The following SPMIP3 variants were observed in gnomAD, a reference collection of about 807,000 sequenced individuals.
SPMIP3 encodes protein SPMIP3.
chr1:244,356,297 T>C, the SPMIP3 span, among the ~76,000 whole-genome samples: 2 of 152,194 alleles, frequency 1.3e-5, no homozygotes, highest in South Asian at 4.1e-4. Flanking sequence ...TTGAGAAGGT[T>C]CCCCATAGTT....
At chr1:244,381,508 C>T in the SPMIP3 span, among the ~76,000 whole-genome samples, 1 of 152,170 alleles carries the variant, frequency 6.6e-6, no homozygotes, top group Non-Finnish European at 1.5e-5. Context: ...ATGAAATACT[C>T]ACCACCTGCT....
chr1:244,375,235 A>G, the SPMIP3 span: 1 of 591,984 alleles, frequency 1.7e-6, no homozygotes, highest in Non-Finnish European at 2.9e-6. Flanking sequence ...AGGAAATTCC[A>G]TGGGTTTTAG....
At chr1:244,363,557 T>C in the SPMIP3 span, among the ~76,000 whole-genome samples, 1 of 152,222 alleles carries the variant, frequency 6.6e-6, no homozygotes, top group Admixed American at 6.5e-5. Flanking sequence ...GAACAGGCTC[T>C]GGGTGGGGCC....
chr1:244,369,448 CG>C, the SPMIP3 span, among the ~76,000 whole-genome samples: 1 of 152,210 alleles, frequency 6.6e-6, no homozygotes, highest in Non-Finnish European at 1.5e-5. Context: ...ATTGGAGCAG[CG>C]TCATTTCTCT....
chr1:244,365,859 A>C, the SPMIP3 span, among the ~76,000 whole-genome samples: 12 of 152,178 alleles, frequency 7.9e-5, no homozygotes, highest in Non-Finnish European at 1.2e-4. Flanking sequence ...GCTTGTGGGA[A>C]AACAAACTGC....
chr1:244,372,264 G>A, the SPMIP3 span, among the ~76,000 whole-genome samples: 6 of 152,138 alleles, frequency 3.9e-5, no homozygotes, highest in East Asian at 1.2e-3. Flanking sequence ...GAGGACAAGC[G>A]CTGCTTCTTA....
chr1:244,355,886 G>A, the SPMIP3 span, among the ~76,000 whole-genome samples: 4 of 152,140 alleles, frequency 2.6e-5, no homozygotes, highest in African/African-American at 9.7e-5. Context: ...TCCTGTATAT[G>A]TGTTGTTCGA....
At chr1:244,374,863 G>T in the SPMIP3 span, among the ~76,000 whole-genome samples, 19 of 152,022 alleles carry the variant, frequency 1.2e-4, no homozygotes, top group Non-Finnish European at 2.5e-4. Context: ...CTCCCAAGGT[G>T]CTGGGATTAC....
the SPMIP3 span, chr1:244,364,784 C>T: frequency 6.7e-5 from 108 of 1,612,578 alleles, no homozygotes; most frequent in Admixed American, 1.5e-4. Flanking sequence ...GCACAGCCTC[C>T]GGGACTGAAG....
the SPMIP3 span, among the ~76,000 whole-genome samples, chr1:244,374,323 A>C: frequency 6.6e-6 from 1 of 151,972 alleles, no homozygotes; most frequent in Non-Finnish European, 1.5e-5. Flanking sequence ...AAAACTCCTC[A>C]AAATCCAGCC....
chr1:244,354,355 T>TTTTTGA, the SPMIP3 span, among the ~76,000 whole-genome samples: 6 of 1,128 alleles, frequency 5.3e-3, no homozygotes, highest in African/African-American at 7.9e-3. Context: ...CAAACTTTGA[T>TTTTTGA]TTTTTTTTTT....
chr1:244,373,913 A>G, the SPMIP3 span, among the ~76,000 whole-genome samples: 2 of 152,060 alleles, frequency 1.3e-5, no homozygotes, highest in African/African-American at 2.4e-5. Context: ...CAGGAGTTTG[A>G]GACCATCCTA....
chr1:244,379,806 CCT>C, the SPMIP3 span, among the ~76,000 whole-genome samples: 6 of 151,894 alleles, frequency 4.0e-5, no homozygotes, highest in African/African-American at 1.5e-4. Flanking sequence ...ATGGAGAAAC[CCT>C]GTCTCTACTA....
At chr1:244,360,001 C>T in the SPMIP3 span, among the ~76,000 whole-genome samples, 6 of 151,698 alleles carry the variant, frequency 4.0e-5, no homozygotes, top group African/African-American at 9.7e-5. Flanking sequence ...CCCAGCTACT[C>T]GGGAGGCTGA....
At chr1:244,372,823 T>C in the SPMIP3 span, among the ~76,000 whole-genome samples, 1 of 152,182 alleles carries the variant, frequency 6.6e-6, no homozygotes, top group African/African-American at 2.4e-5. Context: ...CATCACAAAC[T>C]CAATAAAGTC....
chr1:244,369,839 TGGG>T, the SPMIP3 span, among the ~76,000 whole-genome samples: 3,176 of 152,228 alleles, frequency 0.021, 112 homozygotes, highest in African/African-American at 0.071. Context: ...ATTATGTAGA[TGGG>T]TTCTCTGCCT....
the SPMIP3 span, among the ~76,000 whole-genome samples, chr1:244,359,873 G>A: frequency 6.6e-6 from 1 of 152,140 alleles, no homozygotes; most frequent in African/African-American, 2.4e-5. Context: ...CACTTTGGGA[G>A]GCCGAGGCTG....
the SPMIP3 span, among the ~76,000 whole-genome samples, chr1:244,373,332 T>TTGTATATATATA: frequency 4.0e-4 from 34 of 85,198 alleles, 2 homozygotes; most frequent in African/African-American, 1.4e-3. Context: ...CAAAAAAAAA[T>TTGTATATATATA]TATATATATA....
the SPMIP3 span, among the ~76,000 whole-genome samples, chr1:244,353,191 G>A: frequency 1.3e-5 from 2 of 152,092 alleles, no homozygotes; most frequent in Admixed American, 1.3e-4. Flanking sequence ...GCCACCAAAC[G>A]AAGTGGTCCC....
Sources: allele counts gnomAD v4.1 joint callset (sites outside exome capture counted in the v4.1 genomes callset), GRCh38; gene constraint gnomAD v4.1.1; transcripts MANE v1.5; gene names NCBI Gene and HGNC (gene_info 2026-07-23, HGNC 2026-07-21).